Variants in TCEA3 observed in about 807,000 individuals in gnomAD.
TCEA3 encodes transcription elongation factor A protein 3.
TCEA3 carries 36 observed loss-of-function variants against 44.0 expected under a neutral mutation model. The observed-to-expected ratio is 0.82, with a 90% CI of 0.63 to 1.08. The LOEUF (loss-of-function observed/expected upper bound fraction) is 1.08, where lower values mean the gene tolerates loss of function less well. TCEA3 is among the 50% of genes least tolerant of loss of function. TCEA3 has a pLI of 0.00. For missense variants in TCEA3, 392 were observed against 441.2 expected (o/e 0.89, Z 1.00); for synonymous variants, 162 against 159.7 (o/e 1.01, Z -0.11).
At chr1:23,417,213 T>G in intron 4 of TCEA3, 36 bp downstream of exon 4, 1 of 1,605,992 alleles carries the variant, frequency 6.2e-7, no homozygotes, top group Non-Finnish European at 8.5e-7. Context: ...ACGTGACAAG[T>G]GTCAGCTCCC....
At chr1:23,395,268 G>T (rs1639181698) in intron 7 of TCEA3, among the ~76,000 whole-genome samples, 1 of 152,244 alleles carries the variant, frequency 6.6e-6, no homozygotes, top group Non-Finnish European at 1.5e-5. Flanking sequence ...AGCAGGGCTG[G>T]CGATACTTTC....
At chr1:23,400,459 T>C (rs1270601201) in intron 5 of TCEA3, among the ~76,000 whole-genome samples, 1 of 150,298 alleles carries the variant, frequency 6.7e-6, no homozygotes, top group Non-Finnish European at 1.5e-5. Context: ...TCCATTCGCC[T>C]TGGCCTCCCA....
chr1:23,424,651 GGCGGGGC>G lies in TCEA3; in HGVS notation c.-25_-19del. On this transcript the variant is annotated 5_prime_UTR_variant, in exon 1 of 11. Coordinates refer to ENST00000450454, the MANE Select transcript of TCEA3 (RefSeq NM_003196.3). Reference sequence around the variant, plus strand: ...TGGCCCATGTTGGCCCGCGACGCCCGGCGGGGCGAGGGGCACAGGGGCAGCAGTAGGG... The same window carrying G: ...TGGCCCATGTTGGCCCGCGACGCCCGGAGGGGCACAGGGGCAGCAGTAGGG... 1 of 1,598,810 alleles carries G rather than the reference GGCGGGGC, an allele frequency of 6.3e-7. No homozygotes were observed. The highest frequency in any genetic ancestry group is 8.5e-7 in the Non-Finnish European group (1 of 1,175,648).
intron 7 of TCEA3, among the ~76,000 whole-genome samples, chr1:23,394,919 G>C (rs765514491): frequency 1.2e-4 from 18 of 152,160 alleles, no homozygotes; most frequent in Non-Finnish European, 2.9e-5. Flanking sequence ...GCAGGCTTCC[G>C]AGCCTCCCAC....
At chr1:23,409,159 G>A (rs1639639369) in intron 4 of TCEA3, among the ~76,000 whole-genome samples, 1 of 152,118 alleles carries the variant, frequency 6.6e-6, no homozygotes, top group Non-Finnish European at 1.5e-5. Flanking sequence ...AGGCACTTTA[G>A]GAGGAGGAGA....
At chr1:23,386,596 C>T (rs545870187) in intron 9 of TCEA3, among the ~76,000 whole-genome samples, 12 of 152,122 alleles carry the variant, frequency 7.9e-5, no homozygotes, top group Middle Eastern at 3.4e-3. Flanking sequence ...CTCCCTCTGT[C>T]GCCCAGGCTG....
intron 5 of TCEA3, among the ~76,000 whole-genome samples, chr1:23,403,140 A>G (rs1639447707): frequency 6.6e-6 from 1 of 152,214 alleles, no homozygotes. Flanking sequence ...AACAGCTATG[A>G]CTCACCACAG....
chr1:23,399,154 A>ATATATATGTG (rs1553167306), intron 5 of TCEA3, among the ~76,000 whole-genome samples: 1 of 107,202 alleles, frequency 9.3e-6, no homozygotes, highest in East Asian at 3.6e-4. Flanking sequence ...GTATATATAT[A>ATATATATGTG]TATATATATA....
At chr1:23,405,612 A>G (rs1054201366) in intron 5 of TCEA3, among the ~76,000 whole-genome samples, 1 of 151,954 alleles carries the variant, frequency 6.6e-6, no homozygotes, top group South Asian at 2.1e-4. Flanking sequence ...AAAAAAAATT[A>G]ATGAGACTTC....
In TCEA3 at chr1:23,381,264, C is replaced by T. The variant is rs1216579938; in HGVS notation, c.*202G>A. 2 of 593,724 alleles carry T rather than the reference C, an allele frequency of 3.4e-6. No individual in the cohort carries two copies. Among genetic ancestry groups the T allele is most frequent in the East Asian group, 5.7e-5 (2 of 34,904 alleles). 36.8% of individuals were successfully genotyped at this position (593,724 alleles called of 1,614,324 possible). Reference sequence around the variant, plus strand: ...ATCAATACAAATTCTCAGCATCATTCTCCAATTAGGCTCCCCCATTAACCA... The same window carrying T: ...ATCAATACAAATTCTCAGCATCATTTTCCAATTAGGCTCCCCCATTAACCA... On this transcript the variant is annotated 3_prime_UTR_variant, in exon 11 of 11. Coordinates refer to ENST00000450454, the MANE Select transcript of TCEA3 (RefSeq NM_003196.3).
At chr1:23,391,124 T>A (rs1392519469) in intron 8 of TCEA3, among the ~76,000 whole-genome samples, 1 of 150,974 alleles carries the variant, frequency 6.6e-6, no homozygotes, top group African/African-American at 2.4e-5. Context: ...TTCTGTTTTT[T>A]TTTCTTTTTT....
Position 23,397,926 on chromosome 1 carries a change from C to A in TCEA3, c.473G>T (p.Ser158Ile). The change falls in exon 6 of 11, where the codon AGC becomes ATC. Residue 158 changes from serine (S) to isoleucine (I), a missense_variant. Coordinates refer to ENST00000450454, the MANE Select transcript of TCEA3 (RefSeq NM_003196.3). ...RSNSSKSKAE[S>I]PKTPSSPLTP... ...CAAGGGGCTGCTAGGTGTTTTGGGG[C>A]TCTCCGCTTTTGATTTGCTGCTGTT... 6.2e-7 allele frequency: 1 copy of A among 1,613,732 alleles called. No individual in the cohort carries two copies. Among genetic ancestry groups the A allele is most frequent in the African/African-American group, 1.3e-5 (1 of 74,988 alleles).
chr1:23,396,602 A>G (rs1380840483), intron 7 of TCEA3, among the ~76,000 whole-genome samples: 4 of 152,196 alleles, frequency 2.6e-5, no homozygotes, highest in African/African-American at 9.6e-5. Flanking sequence ...CCTCATCTGT[A>G]AAATGGGAAC....
At chr1:23,398,498 G>A (rs866593147) in intron 5 of TCEA3, among the ~76,000 whole-genome samples, 2 of 152,252 alleles carry the variant, frequency 1.3e-5, no homozygotes, top group Middle Eastern at 3.4e-3. Context: ...TTCCCTTAAG[G>A]GGCTTACAGT....
rs60424866 is a variant in TCEA3 at position 23,399,144 on chromosome 1, G to GTATATATATATATA, written c.444-1203_444-1190dup. 1.3e-3 allele frequency among the ~76,000 whole-genome samples: 80 copies of GTATATATATATATA among 61,100 alleles called. 4 individuals are homozygous for GTATATATATATATA. The highest frequency in any genetic ancestry group is 1.6e-3 in the Non-Finnish European group (52 of 31,748). 40.1% of individuals were successfully genotyped at this position (61,100 alleles called of 152,430 possible). A position where few individuals can be genotyped will look rare whatever the true frequency, so the allele number is the denominator to read the frequency against. On this transcript the variant is annotated intron_variant, in intron 5 of 10. Coordinates refer to ENST00000450454, the MANE Select transcript of TCEA3 (RefSeq NM_003196.3). ...GTTTTGTTTATATATATGTATATATGTATATATATATATATATATATATAT... is the reference window on the plus strand; with the variant it reads ...GTTTTGTTTATATATATGTATATATGTATATATATATATATATATATATATATATATATATATAT...
chr1:23,383,673 A>T, intron 10 of TCEA3: 1 of 985,430 alleles, frequency 1.0e-6, no homozygotes, highest in South Asian at 4.7e-5. Context: ...CCCAGACATC[A>T]CATGGTGCAC....
At chr1:23,417,502 C>T in intron 3 of TCEA3, 112 bp from the exon 4 acceptor site, 1 of 1,439,362 alleles carries the variant, frequency 6.9e-7, no homozygotes, top group Non-Finnish European at 9.2e-7. Context: ...TGCACACACA[C>T]TCCCAACACA....
At chr1:23,413,809 T>C (rs978415108) in intron 4 of TCEA3, among the ~76,000 whole-genome samples, 1 of 152,142 alleles carries the variant, frequency 6.6e-6, no homozygotes, top group Non-Finnish European at 1.5e-5. Flanking sequence ...TATTTTCTTC[T>C]TGTGCTTGAT....
chr1:23,386,056 G>A (rs1351818336), intron 9 of TCEA3, among the ~76,000 whole-genome samples: 1 of 152,146 alleles, frequency 6.6e-6, no homozygotes, highest in Non-Finnish European at 1.5e-5. Flanking sequence ...TTATTGTCAC[G>A]TCAGGGCAGA....
Sources: gnomAD v4.1 joint callset for allele counts (sites outside exome capture counted in the v4.1 genomes callset) on GRCh38, gnomAD v4.1.1 for gene constraint, MANE v1.5 for transcripts, NCBI Gene and HGNC (gene_info 2026-07-23, HGNC 2026-07-21) for gene names.